Variants in ZER1 observed in about 807,000 individuals in gnomAD.
ZER1 encodes the protein protein zer-1 homolog.
In ZER1, 11 loss-of-function variants were observed where a neutral mutation model predicts 78.8. That is an observed-to-expected ratio of 0.14 (90% CI 0.09 to 0.23). ZER1 has a LOEUF of 0.23. Among genes scored for constraint, ZER1 ranks in the 10% least tolerant of loss-of-function variants. ZER1 has a pLI of 1.00. For synonymous variants in ZER1, 400 were observed against 407.0 expected, an observed-to-expected ratio of 0.98 and a Z score of 0.21; for missense variants, 588 against 996.9, an observed-to-expected ratio of 0.59 and a Z score of 5.52.
At chr9:128,761,176 A>AG (rs956874472) in intron 1 of ZER1, among the ~76,000 whole-genome samples, 1 of 148,914 alleles carries the variant, frequency 6.7e-6, no homozygotes, top group African/African-American at 2.5e-5. Flanking sequence ...AAAAAAAGGG[A>AG]GGGGGGGATA....
rs760103193 is a variant in ZER1 at position 128,755,616 on chromosome 9, C to T, written c.-51G>A. 3.6e-5 allele frequency: 57 copies of T among 1,588,408 alleles called. No homozygotes were observed. The highest frequency in any genetic ancestry group is 4.6e-5 in the Non-Finnish European group (53 of 1,160,648). ...CCAGGACAAGGATCCCCAGGGGCAA[C>T]AGTGATTCCTGAATACTCACAGGAT... On this transcript the variant is annotated 5_prime_UTR_variant, in exon 2 of 16. Coordinates refer to ENST00000291900, the MANE Select transcript of ZER1 (RefSeq NM_006336.4). The surrounding 1 kb of genome is among the most constrained non-coding windows in gnomAD (Gnocchi z 5.6).
At chr9:128,746,204 A>C (rs796477567) in intron 8 of ZER1, 10 of 152,268 alleles carry the variant, frequency 6.6e-5, no homozygotes, top group African/African-American at 2.4e-4. Context: ...CTAATTGCAG[A>C]ATGGCTAGGT....
intron 8 of ZER1, among the ~76,000 whole-genome samples, chr9:128,748,401 CAA>C (rs34675316): frequency 3.9e-3 from 348 of 88,436 alleles, no homozygotes; most frequent in Middle Eastern, 6.3e-3. Flanking sequence ...GACTCTGTCT[CAA>C]AAAAAAAAAA....
chr9:128,752,726 C>T lies in ZER1; in HGVS notation c.870G>A (p.Met290Ile). Reference protein sequence around the residue: ...NLMSLDISGHMILENCSISKM... With the variant: ...NLMSLDISGHIILENCSISKM... ...TGGAGATGCTGCAGTTCTCTAGGAT[C>T]ATGTGGCCAGAGATGTCCAGGGACA... Residue 290 changes from methionine to isoleucine, a missense_variant, in exon 5 of 16, where the codon ATG (methionine) becomes ATA (isoleucine). Physicochemically the swap from Met to Ile is conservative, Grantham distance 10. This residue lies in a region of ZER1 where 406 missense variants were observed against 660.1 expected (regional missense o/e 0.62). Coordinates refer to ENST00000291900, the MANE Select transcript of ZER1 (RefSeq NM_006336.4). 6.2e-7 allele frequency: 1 copy of T among 1,614,170 alleles called. No homozygotes were observed. Among genetic ancestry groups the T allele is most frequent in the Non-Finnish European group, 8.5e-7 (1 of 1,180,018 alleles).
rs917163069 is a variant in ZER1 at position 128,729,900 on chromosome 9, G to C, written c.*1437C>G. 1 of 152,790 alleles carries C rather than the reference G, an allele frequency of 6.5e-6. No homozygotes were observed. The highest frequency in any genetic ancestry group is 1.5e-5 in the Non-Finnish European group (1 of 68,226). 9.5% of individuals were successfully genotyped at this position (152,790 alleles called of 1,614,324 possible). ...AGTCTGCCAGGGTCTGGCCGGGGCC[G>C]CTGAGCGTGGGAAGGAAGGGAGCGC... On this transcript the variant is annotated 3_prime_UTR_variant, in exon 16 of 16. Transcript: ENST00000291900.
At chr9:128,756,546 T>C (rs1863865079) in intron 1 of ZER1, among the ~76,000 whole-genome samples, 1 of 152,220 alleles carries the variant, frequency 6.6e-6, no homozygotes, top group South Asian at 2.1e-4. Flanking sequence ...TACATATTCA[T>C]ACAGTGGAAT....
intron 1 of ZER1, among the ~76,000 whole-genome samples, chr9:128,770,326 C>T (rs1864343988): frequency 6.6e-6 from 1 of 152,078 alleles, no homozygotes; most frequent in African/African-American, 2.4e-5. Context: ...GATGGGGTTT[C>T]ACCATGTCGG....
In ZER1 at chr9:128,752,152, TC is replaced by T. The variant is rs147168354; in HGVS notation, c.923+520del. On this transcript the variant is annotated intron_variant, in intron 5 of 15. Coordinates refer to ENST00000291900, the MANE Select transcript of ZER1 (RefSeq NM_006336.4). ...GCCAGGATGCGTCCCTCCTCCTCCT[TC>T]CTTCCTGATCCTCAGGCCACACCGG... Among the ~76,000 whole-genome samples, 358 of 152,160 alleles carry T rather than the reference TC, an allele frequency of 2.4e-3. 1 individual carries two copies. The highest frequency in any genetic ancestry group is 8.3e-3 in the African/African-American group (344 of 41,518).
rs1349440835 is a variant in ZER1, at chr9:128,739,989, G to A, written c.1984C>T (p.Arg662Cys). The A allele has an allele frequency of 8.7e-6, 14 of 1,613,712 alleles. No individual in the cohort carries two copies. Among genetic ancestry groups the A allele is most frequent in the South Asian group, 2.2e-5 (2 of 91,076 alleles). The change falls in exon 13 of 16, where the codon CGC (arginine) becomes TGC (cysteine). Residue 662 changes from arginine (R) to cysteine (C), a missense_variant. Coordinates refer to ENST00000291900, the MANE Select transcript of ZER1 (RefSeq NM_006336.4). ...CAGCTCTGGATGGCAGCCCACATGC[G>A]TTCCTCCACCTCCTCACGCTGGGGC... ...CEPQREEVEE[R>C]MWAAIQSWDI...
intron 8 of ZER1, 23 bp downstream of exon 8, chr9:128,750,593 G>A (rs1863642763): frequency 6.2e-7 from 1 of 1,610,282 alleles, no homozygotes; most frequent in South Asian, 1.1e-5. Flanking sequence ...GAGCATGCGG[G>A]GCCGTGGCGG....
chr9:128,754,690 C>CT lies in ZER1; in HGVS notation c.158+717dup, dbSNP rs113763873. 3.3e-3 allele frequency among the ~76,000 whole-genome samples: 472 copies of CT among 144,430 alleles called. 2 individuals are homozygous for CT. The highest frequency in any genetic ancestry group is 4.7e-3 in the Non-Finnish European group (308 of 65,310). The allele number at this position is 144,430 out of a possible 152,430, so 94.8% of individuals were successfully genotyped here. A position where few individuals can be genotyped will look rare whatever the true frequency, so the allele number is the denominator to read the frequency against. ...TAATTTCCCTTCTGGGAATCTTTTT[C>CT]TTTTTTTTTTTTTGGTAGAGACAAG... is the stretch of plus-strand genomic sequence containing the variant. On this transcript the variant is annotated intron_variant, in intron 2 of 15. Transcript: ENST00000291900. This position sits in a 1 kb window ranked among gnomAD's most constrained non-coding sequence, Gnocchi z 4.3.
At chr9:128,733,625 C>T (rs1051212319) in intron 14 of ZER1, 97 bp from the exon 15 acceptor site, 11 of 1,143,884 alleles carry the variant, frequency 9.6e-6, no homozygotes, top group East Asian at 2.6e-5. Flanking sequence ...ATCCTGGTGT[C>T]GGGGGTGTGA....
Position 128,735,760 on chromosome 9 carries a change from G to GTTTTTTTTTTTTTTTTTTTTT in ZER1, c.2043-330_2043-329insAAAAAAAAAAAAAAAAAAAAA, listed in dbSNP as rs779646793. On this transcript the variant is annotated intron_variant, in intron 13 of 15. Coordinates refer to ENST00000291900, the MANE Select transcript of ZER1 (RefSeq NM_006336.4). ...CTGGGAACAGAAGCACGTGTGACCT[G>GTTTTTTTTTTTTTTTTTTTTT]GTTTTTTTTTTTTTTTTTTTTTTTT... 3.3e-3 allele frequency among the ~76,000 whole-genome samples: 53 copies of GTTTTTTTTTTTTTTTTTTTTT among 16,176 alleles called. 26 individuals carry two copies. The highest frequency in any genetic ancestry group is 2.3e-3 in the Admixed American group (2 of 864). 10.6% of individuals were successfully genotyped at this position (16,176 alleles called of 152,430 possible). A position where few individuals can be genotyped will look rare whatever the true frequency, so the allele number is the denominator to read the frequency against.
rs1439285121 is a variant in ZER1 at position 128,730,693 on chromosome 9, G to A, written c.*644C>T. On this transcript the variant is annotated 3_prime_UTR_variant, in exon 16 of 16. Coordinates refer to ENST00000291900, the MANE Select transcript of ZER1 (RefSeq NM_006336.4). The stretch of plus-strand genomic sequence containing the variant: ...TGGCTGGACAGCAGCAGGGCCACTG[G>A]GTGCCCTGCTCCTAGAGGGTCTTCA... 1 of 152,662 alleles carries A rather than the reference G, an allele frequency of 6.6e-6. No homozygotes were observed. The highest frequency in any genetic ancestry group is 1.5e-5 in the Non-Finnish European group (1 of 68,086). 9.5% of individuals were successfully genotyped at this position (152,662 alleles called of 1,614,324 possible). A position where few individuals can be genotyped will look rare whatever the true frequency, so the allele number is the denominator to read the frequency against.
chr9:128,750,164 T>C (rs1043305928), intron 8 of ZER1, among the ~76,000 whole-genome samples: 2 of 152,236 alleles, frequency 1.3e-5, no homozygotes, highest in Non-Finnish European at 2.9e-5. Flanking sequence ...TTACAAAATA[T>C]GTGTGCATAG....
intron 8 of ZER1, among the ~76,000 whole-genome samples, chr9:128,744,783 C>T (rs577903868): frequency 3.3e-5 from 5 of 152,254 alleles, no homozygotes; most frequent in Middle Eastern, 3.4e-3. Context: ...CTGGCTGGCC[C>T]CCGCTTTTTA....
chr9:128,751,578 G>T lies in ZER1; in HGVS notation c.924-51C>A. 1 of 1,527,692 alleles carries T rather than the reference G, an allele frequency of 6.5e-7. No individual in the cohort carries two copies. 94.6% of individuals were successfully genotyped at this position (1,527,692 alleles called of 1,614,324 possible). A position where few individuals can be genotyped will look rare whatever the true frequency, so the allele number is the denominator to read the frequency against. On this transcript the variant is annotated intron_variant, in intron 5 of 15. Transcript: ENST00000291900. The surrounding 1 kb of genome is among the most constrained non-coding windows in gnomAD (Gnocchi z 5.4). ...GTGGCTTGGGACCCAGGCCTGAGCT[G>T]GGCCTCCCCACTGGGGGTGGTGAGG...
Position 128,751,335 on chromosome 9 carries a change from A to G in ZER1, c.1039-67T>C, listed in dbSNP as rs1460891513. On this transcript the variant is annotated intron_variant, in intron 6 of 15. Coordinates refer to ENST00000291900, the MANE Select transcript of ZER1 (RefSeq NM_006336.4). This position sits in a 1 kb window ranked among gnomAD's most constrained non-coding sequence, Gnocchi z 5.4. Reference sequence around the variant, plus strand: ...GGGCTGGGATGCCAGATCCCAGCTCAGTCTCCAGCCCCAGAATCCAGCTCC... The same window carrying G: ...GGGCTGGGATGCCAGATCCCAGCTCGGTCTCCAGCCCCAGAATCCAGCTCC... The G allele has an allele frequency of 2.5e-6, 4 of 1,608,560 alleles. No homozygotes were observed. Among genetic ancestry groups the G allele is most frequent in the Non-Finnish European group, 3.4e-6 (4 of 1,175,822 alleles).
intron 1 of ZER1, among the ~76,000 whole-genome samples, chr9:128,760,359 C>G (rs1431074215): frequency 6.6e-6 from 1 of 152,132 alleles, no homozygotes; most frequent in Non-Finnish European, 1.5e-5. Context: ...TGTGCCACCA[C>G]GCCCGGCTAA....
Sources: gnomAD v4.1 joint callset for allele counts (sites outside exome capture counted in the v4.1 genomes callset) on GRCh38, gnomAD v4.1.1 for gene constraint, gnomAD v4.1.1 regional missense constraint, Gnocchi (gnomAD v3.1) non-coding constraint, MANE v1.5 for transcripts, NCBI Gene and HGNC (gene_info 2026-07-23, HGNC 2026-07-21) for gene names.